The following DNAI4 variants were observed in gnomAD, a reference collection of about 807,000 sequenced individuals.
DNAI4 encodes dynein axonemal intermediate chain 4, also known as WD repeat domain 78.
Under a neutral mutation model 105.8 loss-of-function variants are expected in DNAI4, and 85 were observed. The ratio of observed to expected loss-of-function variants is 0.80; its 90% CI spans 0.67 to 0.96. The LOEUF is 0.96. Ranked by LOEUF, DNAI4 falls within the 40% of genes least tolerant of loss-of-function variation. The pLI, the probability that DNAI4 is intolerant of heterozygous loss-of-function variation, is 0.00. For missense variants in DNAI4, 1,014 were observed against 1,005.6 expected (o/e 1.01, Z -0.11); for synonymous variants, 352 against 331.5 (o/e 1.06, Z -0.67).
rs549349768 is a variant in DNAI4, at chr1:66,871,387, A to T, written c.923T>A (p.Ile308Asn). The change falls in exon 6 of 17, where the codon ATC becomes AAC. Residue 308 changes from isoleucine (I) to asparagine (N), a missense_variant. Physicochemically the swap from Ile to Asn is moderately radical, Grantham distance 149. Transcript: ENST00000371026. ...GAAATTACCTTTATCTTCCATTATG[A>T]TTTTATCACATTGAACATCTTTATT... ...PKNKDVQCDK[I>N]IMEDKGIMST... The T allele has an allele frequency of 2.8e-4, 454 of 1,608,908 alleles. 5 individuals are homozygous for T. In the South Asian group the frequency reaches 4.4e-3, roughly 16 times the overall value.
chr1:66,864,483 G>A (rs1646690054), intron 6 of DNAI4, among the ~76,000 whole-genome samples: 1 of 152,140 alleles, frequency 6.6e-6, no homozygotes, highest in Admixed American at 6.6e-5. Context: ...GATGGAGACT[G>A]GCTAGCAAGA....
At chr1:66,833,841 C>T in intron 12 of DNAI4, 135 bp from the exon 13 acceptor site, 1 of 1,380,264 alleles carries the variant, frequency 7.2e-7, no homozygotes, top group South Asian at 1.5e-5. Context: ...AAAATTAGCA[C>T]ACACCAGAAC....
chr1:66,898,385 G>A (rs1223193789), intron 2 of DNAI4, among the ~76,000 whole-genome samples: 1 of 152,158 alleles, frequency 6.6e-6, no homozygotes, highest in African/African-American at 2.4e-5. Context: ...GAAAGTTATA[G>A]TTTAAATGTG....
intron 7 of DNAI4, among the ~76,000 whole-genome samples, chr1:66,861,571 A>C (rs1646626841): frequency 6.6e-6 from 1 of 152,198 alleles, no homozygotes; most frequent in South Asian, 2.1e-4. Context: ...CTAGAAGCTA[A>C]AGTTGTAATG....
chr1:66,902,473 T>C (rs188490727), intron 2 of DNAI4, among the ~76,000 whole-genome samples: 8 of 152,316 alleles, frequency 5.3e-5, no homozygotes, highest in East Asian at 1.9e-4. Context: ...TTATCAAATA[T>C]ATAATTTGCA....
At chr1:66,825,652 C>A (rs1216904386) in intron 15 of DNAI4, among the ~76,000 whole-genome samples, 1 of 152,090 alleles carries the variant, frequency 6.6e-6, no homozygotes, top group East Asian at 1.9e-4. Flanking sequence ...AATGTGTTGT[C>A]CTGGGAATTA....
intron 8 of DNAI4, among the ~76,000 whole-genome samples, chr1:66,840,880 G>C (rs1477082164): frequency 6.6e-6 from 1 of 152,168 alleles, no homozygotes; most frequent in Non-Finnish European, 1.5e-5. Context: ...AAAGCCAGCA[G>C]CTTTTCTGTT....
chr1:66,830,177 C>T (rs1187478819), intron 13 of DNAI4, among the ~76,000 whole-genome samples: 1 of 151,060 alleles, frequency 6.6e-6, no homozygotes, highest in Non-Finnish European at 1.5e-5. Context: ...AAATTAAAAC[C>T]AAAGTAAAGA....
intron 15 of DNAI4, among the ~76,000 whole-genome samples, chr1:66,825,535 T>A (rs1258596143): frequency 6.6e-6 from 1 of 152,198 alleles, no homozygotes; most frequent in Non-Finnish European, 1.5e-5. Flanking sequence ...CTCTGGAACG[T>A]ACAAGTACAT....
intron 10 of DNAI4, among the ~76,000 whole-genome samples, chr1:66,836,217 AGAGAG>A (rs1557908438): frequency 2.4e-4 from 27 of 112,874 alleles, no homozygotes; most frequent in East Asian, 7.4e-4. Context: ...AGAGAGAGAG[AGAGAG>A]AGAGAGAGAG....
intron 7 of DNAI4, among the ~76,000 whole-genome samples, chr1:66,859,497 T>C (rs1205428664): frequency 2.0e-5 from 3 of 152,150 alleles, no homozygotes; most frequent in Non-Finnish European, 4.4e-5. Flanking sequence ...AACCTGCACA[T>C]GAATGTTTAT....
chr1:66,815,271 G>T (rs972731463), intron 16 of DNAI4, among the ~76,000 whole-genome samples: 5 of 152,080 alleles, frequency 3.3e-5, no homozygotes, highest in Non-Finnish European at 7.4e-5. Flanking sequence ...GTTCAATGTT[G>T]TATCCTTAGA....
At chr1:66,851,252 T>C (rs1475250670) in intron 7 of DNAI4, among the ~76,000 whole-genome samples, 2 of 151,834 alleles carry the variant, frequency 1.3e-5, no homozygotes, top group Admixed American at 6.6e-5. Flanking sequence ...CAGGGATATA[T>C]AGCAACATTA....
intron 16 of DNAI4, 142 bp downstream of exon 16, chr1:66,822,219 A>G (rs944878912): frequency 7.3e-6 from 5 of 684,360 alleles, no homozygotes; most frequent in Admixed American, 3.6e-5. Flanking sequence ...CACCATGTAT[A>G]GAAGTTAGCA....
intron 7 of DNAI4, 69 bp downstream of exon 7, chr1:66,862,078 C>A (rs1234680891): frequency 2.8e-6 from 4 of 1,439,042 alleles, no homozygotes; most frequent in Non-Finnish European, 3.7e-6. Flanking sequence ...TTGTTAACTG[C>A]CAAAAAAGAA....
chr1:66,876,399 G>T (rs1646959898), intron 4 of DNAI4, among the ~76,000 whole-genome samples: 1 of 152,012 alleles, frequency 6.6e-6, no homozygotes, highest in African/African-American at 2.4e-5. Flanking sequence ...GTAACATTGT[G>T]GCACAGACAT....
chr1:66,899,018 A>T (rs1223274401), intron 2 of DNAI4, among the ~76,000 whole-genome samples: 2 of 152,144 alleles, frequency 1.3e-5, no homozygotes, highest in African/African-American at 4.8e-5. Context: ...ATTGATGGAC[A>T]TTTGAGTTGT....
intron 7 of DNAI4, among the ~76,000 whole-genome samples, chr1:66,853,336 T>A (rs1646435997): frequency 1.3e-5 from 2 of 152,178 alleles, no homozygotes; most frequent in South Asian, 4.1e-4. Flanking sequence ...TCAGGGAACT[T>A]ACATGATTCT....
At position 66,840,677 on chromosome 1, in the gene DNAI4, G is replaced by C. The variant is rs199722095; in HGVS notation, c.1292-6C>G. The C allele has an allele frequency of 6.2e-6, 10 of 1,613,806 alleles. No individual in the cohort carries two copies. Among genetic ancestry groups the C allele is most frequent in the Non-Finnish European group, 7.6e-6 (9 of 1,179,960 alleles). ...AGGCTCTTCAGGTTCAGGTTCTAAA[G>C]TTTAAACAAATAAAAAGATCATTGT... is the stretch of plus-strand genomic sequence containing the variant. On this transcript the variant is annotated splice_polypyrimidine_tract_variant and splice_region_variant and intron_variant, in intron 8 of 16. Coordinates refer to ENST00000371026, the MANE Select transcript of DNAI4 (RefSeq NM_024763.5).
Sources: gnomAD v4.1 joint callset for allele counts (sites outside exome capture counted in the v4.1 genomes callset) on GRCh38, gnomAD v4.1.1 for gene constraint, MANE v1.5 for transcripts, NCBI Gene and HGNC (gene_info 2026-07-23, HGNC 2026-07-21) for gene names.